Variants in FAM47E observed in about 807,000 individuals in gnomAD.
FAM47E encodes family with sequence similarity 47 member E.
In FAM47E, 32 loss-of-function variants were observed where a neutral mutation model predicts 41.6. The observed-to-expected ratio is 0.77, with a 90% CI of 0.58 to 1.03. The LOEUF (loss-of-function observed/expected upper bound fraction) is 1.03, where lower values mean the gene tolerates loss of function less well. Ranked by LOEUF, FAM47E falls within the 50% of genes least tolerant of loss-of-function variation. The pLI is 0.00. For synonymous variants in FAM47E, 184 were observed against 188.7 expected (o/e 0.98, Z 0.20); for missense variants, 424 against 485.4 (o/e 0.87, Z 1.19).
In FAM47E at chr4:76,271,778, G is replaced by A. The variant is rs998287271; in HGVS notation, c.870+10G>A. 4 of 1,548,478 alleles carry A rather than the reference G, an allele frequency of 2.6e-6. No homozygotes were observed. The highest frequency in any genetic ancestry group is 3.5e-6 in the Non-Finnish European group (4 of 1,145,844). On this transcript the variant is annotated intron_variant, in intron 5 of 7. Coordinates refer to ENST00000424749, the MANE Select transcript of FAM47E (RefSeq NM_001136570.3). The stretch of plus-strand genomic sequence containing the variant: ...ACTCCAGAAACCACAGGTAATTGCA[G>A]AAGGGGACCAGACCGAAAATCAAAG...
intron 2 of FAM47E, among the ~76,000 whole-genome samples, chr4:76,261,410 A>T (rs892181230): frequency 1.3e-5 from 2 of 152,230 alleles, no homozygotes; most frequent in African/African-American, 4.8e-5. Flanking sequence ...TAGCAAAGTC[A>T]TGAAATCAAC....
intron 2 of FAM47E, among the ~76,000 whole-genome samples, chr4:76,221,660 A>G (rs1399387150): frequency 6.6e-6 from 1 of 152,206 alleles, no homozygotes; most frequent in Non-Finnish European, 1.5e-5. Context: ...AAAAACAGAG[A>G]AAAAATACCG....
chr4:76,214,293 T>C lies in FAM47E; in HGVS notation c.-161T>C, dbSNP rs551025314. The stretch of plus-strand genomic sequence containing the variant: ...TGAGATCATGCCAGCAAGCATGTTC[T>C]GCCTGGATGACCTAGGGCCCCACAT... On this transcript the variant is annotated 5_prime_UTR_variant, in exon 1 of 8. Coordinates refer to the FAM47E transcript ENST00000510197. 545 of 456,202 alleles carry C rather than the reference T, an allele frequency of 1.2e-3. 11 individuals are homozygous for C. The highest frequency in any genetic ancestry group is 8.2e-3 in the South Asian group (531 of 64,564). The allele number at this position is 456,202 out of a possible 1,614,324, so 28.3% of individuals were successfully genotyped here.
intron 6 of FAM47E, chr4:76,279,927 T>A (rs67373731): frequency 0.17 from 30,305 of 183,354 alleles, 2,689 homozygotes; most frequent in African/African-American, 0.24. Context: ...GATTGTCCTG[T>A]CCTTTGAAGT....
intron 2 of FAM47E, among the ~76,000 whole-genome samples, chr4:76,224,075 A>C (rs1444168583): frequency 1.3e-5 from 2 of 152,234 alleles, no homozygotes; most frequent in Non-Finnish European, 2.9e-5. Context: ...ATAGGTATTA[A>C]ACCAGAATGT....
At chr4:76,263,242 G>C (rs7677256) in intron 2 of FAM47E, among the ~76,000 whole-genome samples, 89,869 of 152,010 alleles carry the variant, frequency 0.59, 26,840 homozygotes, top group Middle Eastern at 0.66. Context: ...TCATATTATA[G>C]CCATGTGACT....
intron 2 of FAM47E, among the ~76,000 whole-genome samples, chr4:76,221,643 C>A (rs1007863554): frequency 6.6e-6 from 1 of 152,168 alleles, no homozygotes; most frequent in Non-Finnish European, 1.5e-5. Flanking sequence ...TTCAAGCGAA[C>A]TACTGCAAAA....
exon 1 of FAM47E, chr4:76,214,157 G>T: frequency 2.2e-6 from 1 of 450,262 alleles, no homozygotes; most frequent in South Asian, 1.6e-5. Flanking sequence ...ACGCGCTGGG[G>T]ATTCAAGGTG....
At chr4:76,221,770 TGA>T (rs1474228881) in intron 2 of FAM47E, among the ~76,000 whole-genome samples, 1 of 152,174 alleles carries the variant, frequency 6.6e-6, no homozygotes, top group African/African-American at 2.4e-5. Context: ...AGGACGTGGG[TGA>T]GGAGTATAGG....
intron 2 of FAM47E, among the ~76,000 whole-genome samples, chr4:76,258,364 C>G (rs780544862): frequency 6.6e-6 from 1 of 152,126 alleles, no homozygotes; most frequent in Non-Finnish European, 1.5e-5. Flanking sequence ...ATTGTTTGGT[C>G]GGCCTTAGGA....
chr4:76,225,917 G>A (rs1733389987), intron 2 of FAM47E, among the ~76,000 whole-genome samples: 1 of 152,264 alleles, frequency 6.6e-6, no homozygotes, highest in Non-Finnish European at 1.5e-5. Context: ...ATGATTTAGG[G>A]AGGATTTCCT....
In FAM47E at chr4:76,272,993, G is replaced by T. The variant is rs181915460; in HGVS notation, c.870+1225G>T. On this transcript the variant is annotated intron_variant, in intron 5 of 7. Coordinates refer to ENST00000424749, the MANE Select transcript of FAM47E (RefSeq NM_001136570.3). ...GCTTTTGTATGTCTGAAGACAACTT[G>T]TTCTGCCTCATTTAAAAAGATTCAG... is the stretch of plus-strand genomic sequence containing the variant. Among the ~76,000 whole-genome samples, 58 of 152,278 alleles carry T rather than the reference G, an allele frequency of 3.8e-4. 2 individuals are homozygous for T. Among genetic ancestry groups the T allele is most frequent in the Admixed American group, 3.5e-3 (54 of 15,284 alleles).
chr4:76,254,128 G>A (rs1189262670), intron 1 of FAM47E, among the ~76,000 whole-genome samples: 20 of 129,704 alleles, frequency 1.5e-4, no homozygotes, highest in African/African-American at 2.9e-4. Context: ...ACCCTGTCTT[G>A]AAAAAAAAAA....
At chr4:76,236,440 A>G (rs1733587702) in intron 2 of FAM47E, 1 of 152,170 alleles carries the variant, frequency 6.6e-6, no homozygotes, top group Non-Finnish European at 1.5e-5. Flanking sequence ...GTTGATGAAA[A>G]GAGTCAAACT....
At chr4:76,251,612 C>T (rs1358296713), upstream of FAM47E, 4 of 1,346,580 alleles carry the variant, frequency 3.0e-6, no homozygotes, top group African/African-American at 4.6e-5. Flanking sequence ...TTGGACCGCG[C>T]AGCGGGGCGT....
In FAM47E at chr4:76,278,167, C is replaced by T; in HGVS notation, c.969C>T (p.Asp323=). The T allele has an allele frequency of 1.3e-6, 2 of 1,550,736 alleles. No individual in the cohort carries two copies. Among genetic ancestry groups the T allele is most frequent in the Non-Finnish European group, 1.7e-6 (2 of 1,146,774 alleles). The change falls in exon 6 of 8, where the codon GAC becomes GAT. Residue 323 remains aspartate (D), a synonymous_variant. Transcript: ENST00000424749. Reference sequence around the variant, plus strand: ...AAAGAGTAGACGAGCCTCTGGTTGACCCTGAGGTCTCACATAAGGCTCAAG... The same window carrying T: ...AAAGAGTAGACGAGCCTCTGGTTGATCCTGAGGTCTCACATAAGGCTCAAG... ...KKQRVDEPLV[D]PEVSHKAQEE... is the part of the protein sequence containing the mutation.
At chr4:76,260,843 T>C (rs756956376) in intron 2 of FAM47E, among the ~76,000 whole-genome samples, 8 of 152,098 alleles carry the variant, frequency 5.3e-5, no homozygotes, top group Non-Finnish European at 1.2e-4. Flanking sequence ...CTAGAATTTA[T>C]AAGGAACGTA....
At chr4:76,228,276 T>C (rs1463669100) in intron 2 of FAM47E, among the ~76,000 whole-genome samples, 2 of 152,016 alleles carry the variant, frequency 1.3e-5, no homozygotes, top group Non-Finnish European at 2.9e-5. Flanking sequence ...GATCAGGAGT[T>C]AGAGACCAGC....
chr4:76,277,060 G>C (rs774816169), intron 5 of FAM47E, among the ~76,000 whole-genome samples: 1 of 152,162 alleles, frequency 6.6e-6, no homozygotes, highest in Non-Finnish European at 1.5e-5. Flanking sequence ...GACAGTGTGG[G>C]TATTGCATTC....
Sources: allele counts gnomAD v4.1 joint callset (sites outside exome capture counted in the v4.1 genomes callset), GRCh38; gene constraint gnomAD v4.1.1; transcripts MANE v1.5; gene names NCBI Gene and HGNC (gene_info 2026-07-23, HGNC 2026-07-21).